The following SPMIP2 variants were observed in gnomAD, a reference collection of about 807,000 sequenced individuals.
The protein encoded by SPMIP2 is sperm microtubule inner protein 2, also known as protein SPMIP2.
At chr4:159,074,440 GA>G in the SPMIP2 span, among the ~76,000 whole-genome samples, 1 of 152,056 alleles carries the variant, frequency 6.6e-6, no homozygotes, top group Non-Finnish European at 1.5e-5. Context: ...CTCTACTTGA[GA>G]AGATGAGGTA....
At chr4:158,895,832 G>C in the SPMIP2 span, 1 of 1,612,990 alleles carries the variant, frequency 6.2e-7, no homozygotes, top group Admixed American at 1.7e-5. Flanking sequence ...GGACACACAC[G>C]AGTCCATGTG....
chr4:158,916,619 ATATGTATGTATG>A, the SPMIP2 span, among the ~76,000 whole-genome samples: 105,521 of 150,638 alleles, frequency 0.7, 37,525 homozygotes, highest in East Asian at 0.94. Context: ...ATGTATGTAC[ATATGTATGTATG>A]TATGTATGTA....
At chr4:159,061,094 A>AAT in the SPMIP2 span, among the ~76,000 whole-genome samples, 5 of 143,778 alleles carry the variant, frequency 3.5e-5, no homozygotes, top group Non-Finnish European at 6.0e-5. Flanking sequence ...CAAAAAAAAA[A>AAT]ATATATATAT....
the SPMIP2 span, among the ~76,000 whole-genome samples, chr4:158,925,002 T>C: frequency 6.6e-6 from 1 of 152,352 alleles, no homozygotes; most frequent in East Asian, 1.9e-4. Context: ...TAGCAGGTAT[T>C]AGTCTGCAGT....
the SPMIP2 span, among the ~76,000 whole-genome samples, chr4:158,982,089 C>G: frequency 1.3e-5 from 2 of 152,082 alleles, no homozygotes; most frequent in Admixed American, 6.6e-5. Context: ...TCTGATAAAG[C>G]AGACTTTAAA....
the SPMIP2 span, among the ~76,000 whole-genome samples, chr4:158,932,599 C>T: frequency 6.6e-6 from 1 of 152,040 alleles, no homozygotes; most frequent in South Asian, 2.1e-4. Flanking sequence ...GGCCATTTCT[C>T]ATTTCTTTGG....
the SPMIP2 span, among the ~76,000 whole-genome samples, chr4:158,951,265 T>C: frequency 2.6e-5 from 4 of 152,306 alleles, no homozygotes; most frequent in South Asian, 2.1e-4. Context: ...ATTTCATCAC[T>C]GTGTGCACAT....
chr4:158,987,265 A>G, the SPMIP2 span, among the ~76,000 whole-genome samples: 1 of 152,116 alleles, frequency 6.6e-6, no homozygotes, highest in Admixed American at 6.5e-5. Flanking sequence ...CATTTGACCC[A>G]GCCATCCCAT....
At chr4:158,975,786 GT>G in the SPMIP2 span, among the ~76,000 whole-genome samples, 2 of 152,192 alleles carry the variant, frequency 1.3e-5, no homozygotes, top group South Asian at 4.2e-4. Context: ...TGTGGGCTCT[GT>G]TTTGGTTCCA....
chr4:158,956,010 A>ACCT, the SPMIP2 span, among the ~76,000 whole-genome samples: 1 of 152,052 alleles, frequency 6.6e-6, no homozygotes, highest in African/African-American at 2.4e-5. Flanking sequence ...GCCACTGATC[A>ACCT]CCTCTAAACA....
the SPMIP2 span, among the ~76,000 whole-genome samples, chr4:159,065,669 T>C: frequency 6.6e-6 from 1 of 152,176 alleles, no homozygotes; most frequent in African/African-American, 2.4e-5. Context: ...GTAGTTGCCA[T>C]GGAAACAATG....
the SPMIP2 span, among the ~76,000 whole-genome samples, chr4:158,923,424 T>G: frequency 6.6e-6 from 1 of 152,222 alleles, no homozygotes. Flanking sequence ...AATGATGTTT[T>G]GTTTTCAGTG....
the SPMIP2 span, among the ~76,000 whole-genome samples, chr4:159,060,679 T>C: frequency 6.6e-6 from 1 of 152,246 alleles, no homozygotes; most frequent in East Asian, 1.9e-4. Flanking sequence ...AGTGTCATCC[T>C]GGTGTTTAAT....
At chr4:158,932,612 G>A in the SPMIP2 span, among the ~76,000 whole-genome samples, 2 of 152,144 alleles carry the variant, frequency 1.3e-5, no homozygotes, top group African/African-American at 4.8e-5. Context: ...TTCTTTGGGT[G>A]TCTTAATTTT....
the SPMIP2 span, among the ~76,000 whole-genome samples, chr4:158,921,205 A>C: frequency 6.6e-6 from 1 of 152,292 alleles, no homozygotes; most frequent in Middle Eastern, 3.4e-3. Flanking sequence ...TTGGGAGGCC[A>C]AGACAGGCAG....
At chr4:159,075,958 A>G in the SPMIP2 span, among the ~76,000 whole-genome samples, 1 of 152,148 alleles carries the variant, frequency 6.6e-6, no homozygotes, top group African/African-American at 2.4e-5. Context: ...CCATGTAATC[A>G]AGAAGATTTT....
At chr4:159,033,840 C>G in the SPMIP2 span, among the ~76,000 whole-genome samples, 1 of 152,054 alleles carries the variant, frequency 6.6e-6, no homozygotes, top group Non-Finnish European at 1.5e-5. Context: ...TATGCTCACA[C>G]TTTGGAAAAA....
the SPMIP2 span, among the ~76,000 whole-genome samples, chr4:159,024,039 T>C: frequency 1.0e-3 from 157 of 152,310 alleles, 3 homozygotes; most frequent in East Asian, 0.021. Context: ...CTTGTGATGT[T>C]TGTCTGGTTC....
the SPMIP2 span, among the ~76,000 whole-genome samples, chr4:158,943,674 A>G: frequency 5.3e-5 from 8 of 152,168 alleles, no homozygotes; most frequent in East Asian, 1.5e-3. Context: ...ACTTACATGT[A>G]TAAGTGCATT....
Sources: allele counts gnomAD v4.1 joint callset (sites outside exome capture counted in the v4.1 genomes callset), GRCh38; gene constraint gnomAD v4.1.1; transcripts MANE v1.5; gene names NCBI Gene and HGNC (gene_info 2026-07-23, HGNC 2026-07-21).